The following MTDH variants were observed in gnomAD, a reference collection of about 807,000 sequenced individuals.
MTDH encodes protein LYRIC.
Under a neutral mutation model 72.7 loss-of-function variants are expected in MTDH, and 34 were observed. The observed-to-expected ratio is 0.47, with a 90% CI of 0.36 to 0.62. The LOEUF is 0.62. Ranked by LOEUF, MTDH falls within the 20% of genes least tolerant of loss-of-function variation. The probability of loss-of-function intolerance (pLI) is 0.00; values close to 1 mark genes in which losing one functional copy is unlikely to be tolerated. For synonymous variants in MTDH, 266 were observed against 268.9 expected, an observed-to-expected ratio of 0.99 and a Z score of 0.10; for missense variants, 677 against 699.4, an observed-to-expected ratio of 0.97 and a Z score of 0.36.
At chr8:97,690,781 A>T (rs1813572204) in intron 5 of MTDH, among the ~76,000 whole-genome samples, 171 bp from the exon 6 acceptor site, 1 of 152,168 alleles carries the variant, frequency 6.6e-6, no homozygotes, top group Admixed American at 6.5e-5. Context: ...TTGTTAGTAT[A>T]TATGTTATGT....
At chr8:97,681,619 G>A (rs575587036) in intron 2 of MTDH, among the ~76,000 whole-genome samples, 35 of 149,298 alleles carry the variant, frequency 2.3e-4, no homozygotes, top group Admixed American at 7.5e-4. Flanking sequence ...TCAGCCTCCC[G>A]AGTAGCTGTG....
chr8:97,711,968 C>T (rs1323254290), intron 8 of MTDH, among the ~76,000 whole-genome samples: 1 of 152,184 alleles, frequency 6.6e-6, no homozygotes, highest in African/African-American at 2.4e-5. Flanking sequence ...AATCAAGATA[C>T]AGAACATTTA....
Position 97,719,194 on chromosome 8 carries a change from T to G in MTDH, c.1521+5T>G. On this transcript the variant is annotated splice_donor_5th_base_variant and intron_variant, in intron 10 of 11. Transcript: ENST00000336273. Reference sequence around the variant, plus strand: ...GTACTCGTCAAAAATAGCCAGGTAATTTTTAAGAATAATAAAGTTGCCGGG... The same window carrying G: ...GTACTCGTCAAAAATAGCCAGGTAAGTTTTAAGAATAATAAAGTTGCCGGG... The G allele has an allele frequency of 6.2e-7, 1 of 1,609,612 alleles. No individual in the cohort carries two copies. Among genetic ancestry groups the G allele is most frequent in the Non-Finnish European group, 8.5e-7 (1 of 1,178,910 alleles).
At chr8:97,684,813 T>TA (rs1484927948) in intron 2 of MTDH, among the ~76,000 whole-genome samples, 1 of 152,254 alleles carries the variant, frequency 6.6e-6, no homozygotes, top group African/African-American at 2.4e-5. Flanking sequence ...CTCACGCCTA[T>TA]AATCCCAACA....
At chr8:97,723,100 C>T (rs777996910) in intron 11 of MTDH, 65 bp downstream of exon 11, 179 of 1,532,090 alleles carry the variant, frequency 1.2e-4, no homozygotes, top group Non-Finnish European at 1.5e-4. Flanking sequence ...AGGTTCTGAT[C>T]TTAAAAGTCT....
Position 97,724,841 on chromosome 8 carries a change from G to T in MTDH, c.*171G>T. ...TGGAATCAAAAGAAAGTTAATTTAT[G>T]AAATTAAGAGGTCAGCAGAATATAC... On this transcript the variant is annotated 3_prime_UTR_variant, in exon 12 of 12. Transcript: ENST00000336273. The T allele has an allele frequency of 2.0e-6, 1 of 504,378 alleles. No individual in the cohort carries two copies. 31.2% of individuals were successfully genotyped at this position (504,378 alleles called of 1,614,324 possible).
intron 2 of MTDH, among the ~76,000 whole-genome samples, chr8:97,681,782 G>A (rs1342027880): frequency 1.3e-5 from 2 of 151,994 alleles, no homozygotes; most frequent in East Asian, 1.9e-4. Flanking sequence ...ATGAGCCACC[G>A]TGCCCAGCCA....
At chr8:97,665,361 T>C (rs1227387606) in intron 2 of MTDH, among the ~76,000 whole-genome samples, 1 of 152,184 alleles carries the variant, frequency 6.6e-6, no homozygotes, top group Non-Finnish European at 1.5e-5. Flanking sequence ...GTTTCATTAG[T>C]ACTAGTCTCT....
chr8:97,723,084 G>A (rs1815195619), intron 11 of MTDH, 49 bp downstream of exon 11: 1 of 1,577,610 alleles, frequency 6.3e-7, no homozygotes, highest in African/African-American at 1.4e-5. Context: ...CATTTTTCAT[G>A]TGTTAAGGTT....
intron 11 of MTDH, among the ~76,000 whole-genome samples, 194 bp from the exon 12 acceptor site, chr8:97,724,406 A>G (rs1257794876): frequency 1.3e-5 from 2 of 152,196 alleles, no homozygotes; most frequent in African/African-American, 4.8e-5. Flanking sequence ...TCAACCTAAT[A>G]ATACCATTGA....
At chr8:97,650,776 C>G (rs1249839789) in intron 1 of MTDH, among the ~76,000 whole-genome samples, 2 of 152,082 alleles carry the variant, frequency 1.3e-5, no homozygotes, top group Non-Finnish European at 2.9e-5. Flanking sequence ...GTCACCCACG[C>G]TGGAGTGCAG....
At chr8:97,677,025 A>AAAAAAAAAAAAACAAAAAT (rs1812877680) in intron 2 of MTDH, among the ~76,000 whole-genome samples, 1 of 139,414 alleles carries the variant, frequency 7.2e-6, no homozygotes, top group African/African-American at 2.7e-5. Flanking sequence ...AAAAAAAAAA[A>AAAAAAAAAAAAACAAAAAT]TACAAAAATT....
chr8:97,710,860 C>A (rs1437816486), intron 8 of MTDH, among the ~76,000 whole-genome samples: 5 of 151,896 alleles, frequency 3.3e-5, no homozygotes, highest in African/African-American at 1.2e-4. Flanking sequence ...ATTAGCCGGG[C>A]ATGGTGGTGC....
intron 10 of MTDH, among the ~76,000 whole-genome samples, chr8:97,722,632 C>A (rs1815174731): frequency 2.0e-5 from 3 of 152,102 alleles, no homozygotes; most frequent in African/African-American, 7.2e-5. Flanking sequence ...TTATTCATTT[C>A]TATTTGAAAT....
intron 2 of MTDH, among the ~76,000 whole-genome samples, chr8:97,671,472 G>GT (rs1812619426): frequency 6.6e-6 from 1 of 151,890 alleles, no homozygotes; most frequent in East Asian, 1.9e-4. Flanking sequence ...AAATATATAG[G>GT]TATCATTATA....
intron 7 of MTDH, among the ~76,000 whole-genome samples, chr8:97,700,794 G>C (rs919425137): frequency 1.3e-5 from 2 of 152,168 alleles, no homozygotes; most frequent in African/African-American, 4.8e-5. Context: ...GAGGAGGGTG[G>C]TATTCATACC....
intron 1 of MTDH, among the ~76,000 whole-genome samples, chr8:97,658,944 C>T (rs1012113700): frequency 2.6e-5 from 4 of 151,978 alleles, no homozygotes; most frequent in Non-Finnish European, 5.9e-5. Flanking sequence ...GAGATCAAGA[C>T]CATCCTGGCT....
intron 2 of MTDH, among the ~76,000 whole-genome samples, chr8:97,670,843 G>A (rs1267522910): frequency 2.0e-5 from 3 of 151,728 alleles, no homozygotes; most frequent in East Asian, 1.9e-4. Flanking sequence ...TGCAACCTCC[G>A]CCACCTGGGT....
At chr8:97,660,322 G>A (rs1421610053) in intron 1 of MTDH, among the ~76,000 whole-genome samples, 1 of 152,188 alleles carries the variant, frequency 6.6e-6, no homozygotes, top group Non-Finnish European at 1.5e-5. Flanking sequence ...GGGTCGGAAA[G>A]CTTCTTACTC....
Sources: gnomAD v4.1 joint callset for allele counts (sites outside exome capture counted in the v4.1 genomes callset) on GRCh38, gnomAD v4.1.1 for gene constraint, MANE v1.5 for transcripts, NCBI Gene and HGNC (gene_info 2026-07-23, HGNC 2026-07-21) for gene names.